PEX14: variants seen among roughly 807,000 people sequenced by gnomAD.
The protein encoded by PEX14 is peroxisomal biogenesis factor 14.
A neutral mutation model predicts 49.5 loss-of-function variants in PEX14; 15 were observed. The observed-to-expected ratio is 0.30, with a 90% CI of 0.20 to 0.47. PEX14 has a LOEUF of 0.47. Among genes scored for constraint, PEX14 ranks in the 20% least tolerant of loss-of-function variants. The pLI is 1.00. For missense variants in PEX14, 398 were observed against 494.8 expected (o/e 0.80, Z 1.86); for synonymous variants, 210 against 212.7 (o/e 0.99, Z 0.11).
chr1:10,508,108 A>G (rs1396019286), intron 2 of PEX14, among the ~76,000 whole-genome samples: 2 of 151,266 alleles, frequency 1.3e-5, no homozygotes, highest in Non-Finnish European at 2.9e-5. Flanking sequence ...CCCTCCCCCT[A>G]TCCAAACTAG....
At chr1:10,548,198 CAG>C (rs1255833148) in intron 3 of PEX14, among the ~76,000 whole-genome samples, 1 of 152,220 alleles carries the variant, frequency 6.6e-6, no homozygotes, top group East Asian at 1.9e-4. Context: ...GCCTGGGTGA[CAG>C]AGTGAGACTC....
At chr1:10,566,168 T>C (rs1296467904) in intron 3 of PEX14, among the ~76,000 whole-genome samples, 1 of 152,222 alleles carries the variant, frequency 6.6e-6, no homozygotes, top group Non-Finnish European at 1.5e-5. Flanking sequence ...AGCAGTATTG[T>C]TGAACTTTTA....
intron 2 of PEX14, among the ~76,000 whole-genome samples, chr1:10,510,838 T>C (rs1223286704): frequency 6.6e-6 from 1 of 152,180 alleles, no homozygotes; most frequent in Non-Finnish European, 1.5e-5. Flanking sequence ...GCCACACATA[T>C]GCCGATGTTC....
intron 1 of PEX14, among the ~76,000 whole-genome samples, chr1:10,476,443 G>C (rs1641196943): frequency 6.6e-6 from 1 of 152,158 alleles, no homozygotes; most frequent in Admixed American, 6.6e-5. Flanking sequence ...GGGTTTCTCT[G>C]AATTGTTTTG....
intron 3 of PEX14, among the ~76,000 whole-genome samples, chr1:10,544,805 A>T (rs1019424019): frequency 6.6e-6 from 1 of 151,028 alleles, no homozygotes; most frequent in Admixed American, 6.6e-5. Flanking sequence ...TCTGTCACCT[A>T]GGCTGGAGTG....
rs564002225 is a variant in PEX14 at position 10,620,133 on chromosome 1, G to A, written c.384+1716G>A. ...CCTTCTCAAAAAAGAAAAAGAAAAA[G>A]AAAAAGAAATTGAGAAACAAAACAT... is the stretch of plus-strand genomic sequence containing the variant. On this transcript the variant is annotated intron_variant, in intron 5 of 8. Coordinates refer to ENST00000356607, the MANE Select transcript of PEX14 (RefSeq NM_004565.3). Among the ~76,000 whole-genome samples the A allele has an allele frequency of 2.6e-5, 4 of 151,728 alleles. No homozygotes were observed. In the East Asian group the frequency reaches 7.8e-4, roughly 29 times the overall value.
At chr1:10,515,808 C>T (rs1641959886) in intron 2 of PEX14, among the ~76,000 whole-genome samples, 1 of 152,146 alleles carries the variant, frequency 6.6e-6, no homozygotes, top group South Asian at 2.1e-4. Flanking sequence ...ATGTCTCAGC[C>T]TGGAACTCCA....
chr1:10,570,865 T>TTTTTTTTTTA (rs1570283463), intron 3 of PEX14, among the ~76,000 whole-genome samples: 1 of 147,822 alleles, frequency 6.8e-6, no homozygotes, highest in Non-Finnish European at 1.5e-5. Flanking sequence ...TTTTTTTTTT[T>TTTTTTTTTTA]GAGATGGTAT....
chr1:10,568,663 C>A (rs779678625), intron 3 of PEX14, among the ~76,000 whole-genome samples: 2 of 152,206 alleles, frequency 1.3e-5, no homozygotes, highest in Middle Eastern at 3.4e-3. Flanking sequence ...TGAATTTGTT[C>A]ATGCCTTTGT....
rs561951080 is a variant in PEX14, at chr1:10,602,541, C to A, written c.298+3175C>A. 2.6e-5 allele frequency among the ~76,000 whole-genome samples: 4 copies of A among 152,036 alleles called. No homozygotes were observed. The East Asian group carries it at 5.8e-4, about 22-fold the overall frequency. On this transcript the variant is annotated intron_variant, in intron 4 of 8. Coordinates refer to ENST00000356607, the MANE Select transcript of PEX14 (RefSeq NM_004565.3). ...AGCGGTAATTTATTACATAAAATAT[C>A]TTTTATTTGACATGCGATTAGTTGC... is the stretch of plus-strand genomic sequence containing the variant.
intron 2 of PEX14, chr1:10,535,932 G>C (rs1638788950): frequency 2.4e-6 from 1 of 423,238 alleles, no homozygotes; most frequent in Non-Finnish European, 4.4e-6. Flanking sequence ...TGAAGAATCA[G>C]CTCGAATGGA....
intron 2 of PEX14, among the ~76,000 whole-genome samples, chr1:10,521,601 G>A (rs2056417): frequency 0.25 from 38,229 of 152,086 alleles, 5,418 homozygotes; most frequent in Admixed American, 0.33. Context: ...AAGCAGGAAC[G>A]GGAAAGGTAA....
At chr1:10,482,527 G>A (rs12124486) in intron 1 of PEX14, among the ~76,000 whole-genome samples, 24,908 of 148,622 alleles carry the variant, frequency 0.17, 2,483 homozygotes, top group Non-Finnish European at 0.23. Context: ...TCCGTCTCCC[G>A]GGTTCAGGTG....
At chr1:10,590,553 A>AG (rs1253764402) in intron 3 of PEX14, among the ~76,000 whole-genome samples, 2 of 152,162 alleles carry the variant, frequency 1.3e-5, no homozygotes, top group African/African-American at 4.8e-5. Flanking sequence ...ACTGGGGGGT[A>AG]GGGGTCCTAG....
intron 3 of PEX14, among the ~76,000 whole-genome samples, chr1:10,591,432 A>T (rs895138684): frequency 3.3e-5 from 5 of 152,048 alleles, no homozygotes; most frequent in African/African-American, 1.2e-4. Flanking sequence ...CTTGTTAAGG[A>T]TCAAGTCTGG....
At chr1:10,507,061 C>T (rs1235255145) in intron 2 of PEX14, among the ~76,000 whole-genome samples, 2 of 152,218 alleles carry the variant, frequency 1.3e-5, no homozygotes, top group Non-Finnish European at 2.9e-5. Context: ...AATATTCTGG[C>T]CTCGCTGTTG....
chr1:10,577,795 G>C (rs963197537), intron 3 of PEX14, among the ~76,000 whole-genome samples: 1 of 149,596 alleles, frequency 6.7e-6, no homozygotes, highest in Non-Finnish European at 1.5e-5. Flanking sequence ...AGTAGAGACG[G>C]TTTCACCGTG....
chr1:10,535,952 G>A (rs887296266), intron 2 of PEX14: 28 of 457,704 alleles, frequency 6.1e-5, no homozygotes, highest in Non-Finnish European at 1.1e-4. Flanking sequence ...AGATCAGGAG[G>A]AACAGGAAGG....
chr1:10,484,314 A>T (rs184607918), intron 1 of PEX14, among the ~76,000 whole-genome samples: 2 of 151,624 alleles, frequency 1.3e-5, no homozygotes. Context: ...CTGGGATTAC[A>T]TGTGTGAGTC....
Sources: allele counts gnomAD v4.1 joint callset (sites outside exome capture counted in the v4.1 genomes callset), GRCh38; gene constraint gnomAD v4.1.1; transcripts MANE v1.5; gene names NCBI Gene and HGNC (gene_info 2026-07-23, HGNC 2026-07-21).